KLHL20: variants seen among roughly 807,000 people sequenced by gnomAD.
KLHL20 encodes the protein kelch-like protein 20.
KLHL20 carries 29 observed loss-of-function variants against 69.5 expected under a neutral mutation model. The observed-to-expected ratio is 0.42, with a 90% CI of 0.31 to 0.57. KLHL20 has a LOEUF of 0.57. Among genes scored for constraint, KLHL20 ranks in the 20% least tolerant of loss-of-function variants. KLHL20 has a pLI of 0.18. For synonymous variants in KLHL20, 253 were observed against 265.2 expected (o/e 0.95, Z 0.45); for missense variants, 419 against 776.0 (o/e 0.54, Z 5.47).
rs995977948 is a variant in KLHL20 at position 173,767,228 on chromosome 1, C to G, written c.1295+939C>G. Among the ~76,000 whole-genome samples, 146 of 152,202 alleles carry G rather than the reference C, an allele frequency of 9.6e-4. 1 individual carries two copies. The highest frequency in any genetic ancestry group is 3.3e-3 in the African/African-American group (137 of 41,534). On this transcript the variant is annotated intron_variant, in intron 8 of 11. Coordinates refer to ENST00000209884, the MANE Select transcript of KLHL20 (RefSeq NM_014458.4). Reference sequence around the variant, plus strand: ...ATGCCGTCGAAAATGTCAGGATTTCCTTCTTTTTTAAGACTGAATAGTATT... The same window carrying G: ...ATGCCGTCGAAAATGTCAGGATTTCGTTCTTTTTTAAGACTGAATAGTATT...
chr1:173,739,306 C>A (rs1417214165), intron 3 of KLHL20, among the ~76,000 whole-genome samples: 2 of 152,136 alleles, frequency 1.3e-5, no homozygotes, highest in Non-Finnish European at 2.9e-5. Flanking sequence ...CTCCTGAGCT[C>A]AGGCAATCTG....
intron 2 of KLHL20, among the ~76,000 whole-genome samples, chr1:173,731,739 A>G (rs1254720360): frequency 3.3e-5 from 5 of 150,758 alleles, no homozygotes; most frequent in African/African-American, 1.2e-4. Context: ...GGGGAGGGAT[A>G]GCATTAGGAG....
intron 3 of KLHL20, among the ~76,000 whole-genome samples, chr1:173,747,433 T>C (rs769055795): frequency 1.1e-4 from 17 of 152,098 alleles, no homozygotes; most frequent in Non-Finnish European, 2.1e-4. Flanking sequence ...ATTTGTTGTC[T>C]AAGTTCTAGT....
chr1:173,744,135 T>C (rs1325558114), intron 3 of KLHL20, among the ~76,000 whole-genome samples: 1 of 152,138 alleles, frequency 6.6e-6, no homozygotes, highest in East Asian at 1.9e-4. Context: ...TAAATGTTTG[T>C]CCACAGCCTC....
At chr1:173,773,174 G>C (rs972103785) in intron 8 of KLHL20, among the ~76,000 whole-genome samples, 1 of 151,612 alleles carries the variant, frequency 6.6e-6, no homozygotes, top group African/African-American at 2.4e-5. Flanking sequence ...CTGTGTTGAC[G>C]AGGCTGGTCT....
At chr1:173,728,427 C>A (rs1320613706) in intron 2 of KLHL20, among the ~76,000 whole-genome samples, 1 of 152,214 alleles carries the variant, frequency 6.6e-6, no homozygotes, top group Non-Finnish European at 1.5e-5. Context: ...CACCCCAAAT[C>A]AACAGAATGT....
At chr1:173,731,939 T>C (rs1672299589) in intron 2 of KLHL20, among the ~76,000 whole-genome samples, 1 of 152,138 alleles carries the variant, frequency 6.6e-6, no homozygotes, top group African/African-American at 2.4e-5. Flanking sequence ...GGCTCATACC[T>C]GTAATCCCAG....
intron 3 of KLHL20, among the ~76,000 whole-genome samples, chr1:173,737,130 G>C (rs950531687): frequency 5.9e-5 from 9 of 152,176 alleles, no homozygotes; most frequent in African/African-American, 2.2e-4. Flanking sequence ...ATATTAGTCT[G>C]TGGTTGGATC....
At position 173,785,267 on chromosome 1, in the gene KLHL20, GTA is replaced by G; in HGVS notation, c.*26_*27del. ...TGGTGAACACAGAGAAGACAGTCTT[GTA>G]TATATTCCTCTGTATTCTGGGGAGC... On this transcript the variant is annotated 3_prime_UTR_variant, in exon 12 of 12. Transcript: ENST00000209884. 6.4e-7 allele frequency: 1 copy of G among 1,560,318 alleles called. No individual in the cohort carries two copies. The highest frequency in any genetic ancestry group is 8.8e-7 in the Non-Finnish European group (1 of 1,140,632).
At chr1:173,728,606 A>C (rs1456091989) in intron 2 of KLHL20, among the ~76,000 whole-genome samples, 2 of 152,230 alleles carry the variant, frequency 1.3e-5, no homozygotes, top group Admixed American at 6.5e-5. Context: ...AAAACTGCTC[A>C]ACTACATGGA....
At position 173,741,582 on chromosome 1, in the gene KLHL20, A is replaced by C. The variant is rs759632367; in HGVS notation, c.597+7296A>C. 8.4e-4 allele frequency: 359 copies of C among 427,174 alleles called. 3 individuals carry two copies. The highest frequency in any genetic ancestry group is 2.3e-3 in the Middle Eastern group (4 of 1,718). 26.5% of individuals were successfully genotyped at this position (427,174 alleles called of 1,614,324 possible). A position where few individuals can be genotyped will look rare whatever the true frequency, so the allele number is the denominator to read the frequency against. ...AATTTTCTGCATGGTAAAACAAAGC[A>C]AAATAAAAATTACAAGACAAAAGTC... is the stretch of plus-strand genomic sequence containing the variant. On this transcript the variant is annotated intron_variant, in intron 3 of 11. Transcript: ENST00000209884.
chr1:173,751,674 T>C (rs1156417764), intron 3 of KLHL20, 90 bp from the exon 4 acceptor site: 2 of 1,286,618 alleles, frequency 1.6e-6, no homozygotes, highest in African/African-American at 2.9e-5. Context: ...CATTGTAGAA[T>C]ACAGCTTTGT....
intron 8 of KLHL20, among the ~76,000 whole-genome samples, chr1:173,767,878 C>A (rs1358339251): frequency 6.6e-6 from 1 of 152,084 alleles, no homozygotes; most frequent in Non-Finnish European, 1.5e-5. Flanking sequence ...CATGCAGAAG[C>A]CTTTTTGTTT....
intron 3 of KLHL20, among the ~76,000 whole-genome samples, chr1:173,734,780 A>G (rs12083064): frequency 0.063 from 9,539 of 152,242 alleles, 954 homozygotes; most frequent in African/African-American, 0.21. Flanking sequence ...TAAAGCTACT[A>G]TGTTTCAGCC....
intron 2 of KLHL20, among the ~76,000 whole-genome samples, chr1:173,725,922 C>T (rs995971924): frequency 2.6e-5 from 4 of 152,126 alleles, no homozygotes; most frequent in South Asian, 2.1e-4. Flanking sequence ...TGCAGCACAC[C>T]GAGCGTGAGC....
At chr1:173,781,349 C>T (rs1021507163) in intron 10 of KLHL20, among the ~76,000 whole-genome samples, 1 of 152,078 alleles carries the variant, frequency 6.6e-6, no homozygotes, top group Non-Finnish European at 1.5e-5. Flanking sequence ...GGGTCCCACT[C>T]TGCTGCCCAG....
chr1:173,725,372 G>A (rs570794422), intron 2 of KLHL20, among the ~76,000 whole-genome samples: 1 of 152,272 alleles, frequency 6.6e-6, no homozygotes, highest in African/African-American at 2.4e-5. Flanking sequence ...TTCTTCATCT[G>A]TAAAAGGAGG....
intron 2 of KLHL20, among the ~76,000 whole-genome samples, chr1:173,726,261 G>A (rs190548067): frequency 6.6e-6 from 1 of 152,174 alleles, no homozygotes; most frequent in African/African-American, 2.4e-5. Context: ...GCTCGAACGT[G>A]GTGGAGCCCA....
chr1:173,767,593 A>T (rs1004554296), intron 8 of KLHL20, among the ~76,000 whole-genome samples: 1 of 152,154 alleles, frequency 6.6e-6, no homozygotes, highest in Non-Finnish European at 1.5e-5. Flanking sequence ...AACAGGTGTG[A>T]CATGGTATTT....
Sources: gnomAD v4.1 joint callset for allele counts (sites outside exome capture counted in the v4.1 genomes callset) on GRCh38, gnomAD v4.1.1 for gene constraint, MANE v1.5 for transcripts, NCBI Gene and HGNC (gene_info 2026-07-23, HGNC 2026-07-21) for gene names.